The following EPHA5 variants were observed in gnomAD, a reference collection of about 807,000 sequenced individuals.
The protein encoded by EPHA5 is EPH receptor A5, also known as ephrin type-A receptor 5.
EPHA5 carries 60 observed loss-of-function variants against 105.0 expected under a neutral mutation model. That is an observed-to-expected ratio of 0.57 (90% CI 0.46 to 0.71). The LOEUF (loss-of-function observed/expected upper bound fraction) is 0.71, where lower values mean the gene tolerates loss of function less well. Ranked by LOEUF, EPHA5 falls within the 30% of genes least tolerant of loss-of-function variation. The probability of loss-of-function intolerance (pLI) is 0.00; values close to 1 mark genes in which losing one functional copy is unlikely to be tolerated. For synonymous variants in EPHA5, 513 were observed against 449.1 expected (o/e 1.14, Z -1.80); for missense variants, 1,218 against 1,274.7 (o/e 0.96, Z 0.68).
intron 2 of EPHA5, among the ~76,000 whole-genome samples, chr4:65,612,240 C>T (rs1744847197): frequency 6.6e-6 from 1 of 151,986 alleles, no homozygotes; most frequent in Admixed American, 6.6e-5. Context: ...TAACCATCAC[C>T]GGAATAGTTA....
intron 3 of EPHA5, among the ~76,000 whole-genome samples, chr4:65,513,009 C>G (rs1190676102): frequency 2.0e-5 from 3 of 152,056 alleles, no homozygotes; most frequent in African/African-American, 7.2e-5. Flanking sequence ...GCATGCCATG[C>G]AGATTTGGCT....
intron 14 of EPHA5, among the ~76,000 whole-genome samples, chr4:65,336,431 A>G (rs187356664): frequency 6.6e-6 from 1 of 152,100 alleles, no homozygotes; most frequent in African/African-American, 2.4e-5. Flanking sequence ...TAAAATATAC[A>G]GTTCATGTTT....
intron 3 of EPHA5, among the ~76,000 whole-genome samples, chr4:65,595,201 C>G (rs200725377): frequency 6.6e-6 from 1 of 151,550 alleles, no homozygotes; most frequent in East Asian, 1.9e-4. Context: ...CACACTTCAC[C>G]CACACTGCCA....
At chr4:65,461,252 C>G (rs1370095876) in intron 5 of EPHA5, among the ~76,000 whole-genome samples, 1 of 151,822 alleles carries the variant, frequency 6.6e-6, no homozygotes. Context: ...AAGAACAGAT[C>G]CAGTCACTAT....
At chr4:65,347,405 G>C (rs1419742566) in intron 14 of EPHA5, among the ~76,000 whole-genome samples, 1 of 152,074 alleles carries the variant, frequency 6.6e-6, no homozygotes, top group East Asian at 1.9e-4. Flanking sequence ...AGTAATGATG[G>C]AAAATTACAA....
At chr4:65,466,530 T>C (rs1728733357) in intron 5 of EPHA5, among the ~76,000 whole-genome samples, 1 of 152,160 alleles carries the variant, frequency 6.6e-6, no homozygotes, top group Non-Finnish European at 1.5e-5. Flanking sequence ...GGCTGCTGTA[T>C]TAAAAATAAA....
chr4:65,624,890 A>G (rs1746000714), intron 2 of EPHA5, among the ~76,000 whole-genome samples: 1 of 152,204 alleles, frequency 6.6e-6, no homozygotes, highest in African/African-American at 2.4e-5. Context: ...AACTCTTGAA[A>G]TATTTAAGAG....
intron 8 of EPHA5, among the ~76,000 whole-genome samples, chr4:65,369,911 G>A (rs193122723): frequency 6.6e-6 from 1 of 152,142 alleles, no homozygotes; most frequent in South Asian, 2.1e-4. Flanking sequence ...AGGTTGCAGT[G>A]AGCCAAGATC....
chr4:65,649,985 A>T (rs994525426), intron 1 of EPHA5, among the ~76,000 whole-genome samples: 2 of 152,166 alleles, frequency 1.3e-5, no homozygotes, highest in Non-Finnish European at 2.9e-5. Flanking sequence ...TTCTCACACT[A>T]CACCAAAAAT....
chr4:65,324,058 A>G lies in EPHA5; in HGVS notation c.*56T>C. On this transcript the variant is annotated 3_prime_UTR_variant, in exon 17 of 17. Transcript: ENST00000613740. ...CCCTTTTTTTGTTAAAATAAATCTC[A>G]GTGCTGTTTACAAAGTGCAGAATCA... 1 of 1,132,614 alleles carries G rather than the reference A, an allele frequency of 8.8e-7. No individual in the cohort carries two copies. The highest frequency in any genetic ancestry group is 1.8e-5 in the Admixed American group (1 of 55,136). The allele number at this position is 1,132,614 out of a possible 1,614,324, so 70.2% of individuals were successfully genotyped here.
intron 1 of EPHA5, among the ~76,000 whole-genome samples, chr4:65,665,224 T>C (rs1033818948): frequency 1.3e-5 from 2 of 151,848 alleles, no homozygotes; most frequent in African/African-American, 4.8e-5. Flanking sequence ...GGTAGAAAGG[T>C]TTCTACCAAA....
At chr4:65,407,173 G>A (rs2148997617) in intron 7 of EPHA5, among the ~76,000 whole-genome samples, 1 of 152,038 alleles carries the variant, frequency 6.6e-6, no homozygotes, top group African/African-American at 2.4e-5. Flanking sequence ...ACTACCTTTG[G>A]AAGAAAATTC....
chr4:65,598,008 A>G (rs538094125), intron 3 of EPHA5, among the ~76,000 whole-genome samples: 9 of 152,352 alleles, frequency 5.9e-5, no homozygotes, highest in African/African-American at 1.9e-4. Context: ...GTCACCTGCC[A>G]GCACAGACTA....
At chr4:65,367,947 T>C (rs944191453) in intron 8 of EPHA5, among the ~76,000 whole-genome samples, 1 of 152,034 alleles carries the variant, frequency 6.6e-6, no homozygotes, top group African/African-American at 2.4e-5. Flanking sequence ...CACCACAACT[T>C]GCAAAGCCTC....
chr4:65,544,086 T>C (rs1005868832), intron 3 of EPHA5, among the ~76,000 whole-genome samples: 4 of 152,022 alleles, frequency 2.6e-5, no homozygotes, highest in African/African-American at 9.7e-5. Context: ...CAAGATGGAT[T>C]AAATACTTAA....
At chr4:65,632,400 TCTC>T (rs1197003824) in intron 2 of EPHA5, among the ~76,000 whole-genome samples, 6,697 of 151,942 alleles carry the variant, frequency 0.044, 484 homozygotes, top group African/African-American at 0.15. Flanking sequence ...ACCACCATAA[TCTC>T]TGTGCTTGGC....
At chr4:65,457,417 G>A (rs188968308) in intron 5 of EPHA5, among the ~76,000 whole-genome samples, 214 of 152,178 alleles carry the variant, frequency 1.4e-3, no homozygotes, top group African/African-American at 4.9e-3. Context: ...CCTTAAATAA[G>A]TAATAAGCAA....
chr4:65,436,395 C>T (rs1313427294), intron 5 of EPHA5, among the ~76,000 whole-genome samples: 1 of 151,834 alleles, frequency 6.6e-6, no homozygotes, highest in Non-Finnish European at 1.5e-5. Flanking sequence ...TATTAATTCA[C>T]AATTTCTCGA....
intron 5 of EPHA5, among the ~76,000 whole-genome samples, chr4:65,444,850 A>C (rs1726363696): frequency 6.6e-6 from 1 of 151,974 alleles, no homozygotes; most frequent in Admixed American, 6.6e-5. Context: ...CAAAAACTTA[A>C]ATTCTTTTAT....
Sources: gnomAD v4.1 joint callset for allele counts (sites outside exome capture counted in the v4.1 genomes callset) on GRCh38, gnomAD v4.1.1 for gene constraint, MANE v1.5 for transcripts, NCBI Gene and HGNC (gene_info 2026-07-23, HGNC 2026-07-21) for gene names.